GRIP1: variants seen among roughly 807,000 people sequenced by gnomAD.
GRIP1 encodes glutamate receptor interacting protein 1, also known as glutamate receptor-interacting protein 1.
A neutral mutation model predicts 129.9 loss-of-function variants in GRIP1; 45 were observed. The ratio of observed to expected loss-of-function variants is 0.35; its 90% confidence interval spans 0.27 to 0.44. The LOEUF (loss-of-function observed/expected upper bound fraction) is 0.44. Ranked by LOEUF, GRIP1 falls within the 20% of genes least tolerant of loss-of-function variation. The pLI is 1.00. For missense variants in GRIP1, 1,196 were observed against 1,396.8 expected (o/e 0.86, Z 2.29); for synonymous variants, 530 against 520.8 (o/e 1.02, Z -0.24).
At chr12:66,528,704 C>T (rs1433386956) in intron 5 of GRIP1, among the ~76,000 whole-genome samples, 1 of 152,112 alleles carries the variant, frequency 6.6e-6, no homozygotes, top group Non-Finnish European at 1.5e-5. Context: ...AGACAAAAGA[C>T]ATGTTGAAAA....
chr12:66,551,526 C>A (rs1472216877), intron 2 of GRIP1, among the ~76,000 whole-genome samples: 6 of 146,666 alleles, frequency 4.1e-5, no homozygotes, highest in Non-Finnish European at 9.0e-5. Flanking sequence ...GGGAGGAAAT[C>A]ATTTATTTTT....
intron 2 of GRIP1, among the ~76,000 whole-genome samples, chr12:66,585,846 A>T (rs1215249168): frequency 1.3e-5 from 2 of 151,832 alleles, no homozygotes; most frequent in Non-Finnish European, 2.9e-5. Context: ...CATTTCTCTG[A>T]TGGCCAGTGA....
intron 1 of GRIP1, among the ~76,000 whole-genome samples, chr12:66,675,719 ACT>A (rs983597592): frequency 1.3e-5 from 2 of 152,106 alleles, no homozygotes; most frequent in African/African-American, 4.8e-5. Flanking sequence ...TAATTGGTAG[ACT>A]CTCATTCTGG....
At chr12:67,037,332 T>TAATAATAATAATAAA (rs2043112996) in intron 1 of GRIP1, 1 of 146,370 alleles carries the variant, frequency 6.8e-6, no homozygotes, top group Non-Finnish European at 1.5e-5. Context: ...TGCCTGAAAA[T>TAATAATAATAATAAA]AATAATAATA....
At chr12:66,599,334 G>C (rs2064181220) in intron 1 of GRIP1, among the ~76,000 whole-genome samples, 2 of 152,176 alleles carry the variant, frequency 1.3e-5, no homozygotes, top group Non-Finnish European at 2.9e-5. Context: ...CAGTGTAAAA[G>C]CAATAATTCC....
At chr12:66,929,584 A>G (rs1467910694) in intron 1 of GRIP1, among the ~76,000 whole-genome samples, 5 of 152,176 alleles carry the variant, frequency 3.3e-5, no homozygotes, top group South Asian at 4.2e-4. Context: ...CTACACTCTC[A>G]TATCTCTCCG....
At chr12:66,388,040 A>T (rs1467510281) in intron 19 of GRIP1, among the ~76,000 whole-genome samples, 4 of 152,122 alleles carry the variant, frequency 2.6e-5, no homozygotes, top group African/African-American at 9.7e-5. Context: ...AAAGGAACTG[A>T]ATGAAAGAGT....
intron 1 of GRIP1, among the ~76,000 whole-genome samples, chr12:67,050,930 T>C (rs2043335157): frequency 6.6e-6 from 1 of 151,994 alleles, no homozygotes; most frequent in Non-Finnish European, 1.5e-5. Context: ...TCCAGAAAGG[T>C]AAGAGGAAAC....
intron 11 of GRIP1, among the ~76,000 whole-genome samples, chr12:66,446,094 G>GCCGCCCCCCCCCCCCCCCCCCCCCCCC (rs140993793): frequency 7.1e-6 from 1 of 140,400 alleles, no homozygotes; most frequent in Non-Finnish European, 1.5e-5. Context: ...CATTCCTCCT[G>GCCGCCCCCCCCCCCCCCCCCCCCCCCC]CCGCCCCCCA....
intron 11 of GRIP1, among the ~76,000 whole-genome samples, chr12:66,451,777 G>A (rs1440749671): frequency 6.6e-6 from 1 of 152,152 alleles, no homozygotes; most frequent in African/African-American, 2.4e-5. Context: ...TGTGTATCAT[G>A]TGATCTGGTT....
chr12:66,427,148 T>C (rs1196405924), intron 14 of GRIP1, among the ~76,000 whole-genome samples: 1 of 152,200 alleles, frequency 6.6e-6, no homozygotes, highest in East Asian at 1.9e-4. Flanking sequence ...GAGTACAGGA[T>C]AGAAATTAGG....
chr12:67,010,660 T>C (rs1049966136), intron 1 of GRIP1, among the ~76,000 whole-genome samples: 19 of 152,060 alleles, frequency 1.2e-4, no homozygotes, highest in African/African-American at 3.9e-4. Flanking sequence ...TTTGAAAGAA[T>C]AGGCCAGTGA....
At chr12:66,352,459 A>C (rs1168316) in intron 24 of GRIP1, among the ~76,000 whole-genome samples, 3 of 151,952 alleles carry the variant, frequency 2.0e-5, no homozygotes, top group Non-Finnish European at 4.4e-5. Flanking sequence ...GAGGTTGCGC[A>C]CAGTGGCTCA....
intron 14 of GRIP1, among the ~76,000 whole-genome samples, chr12:66,426,466 G>A (rs940354474): frequency 3.3e-5 from 5 of 151,812 alleles, no homozygotes; most frequent in African/African-American, 7.2e-5. Flanking sequence ...TTGTAATAGC[G>A]TCCACTCCCT....
chr12:66,848,051 C>T lies in GRIP1; in HGVS notation c.58+220999G>A, dbSNP rs149182654. ...GATAGGACCAGTCATAAGCATTATG[C>T]TTTATATCATATCCGACTTTCAAAT... On this transcript the variant is annotated intron_variant, in intron 1 of 1. Transcript: ENST00000643019. Among the ~76,000 whole-genome samples, 164 of 152,270 alleles carry T rather than the reference C, an allele frequency of 1.1e-3. 1 individual carries two copies. The highest frequency in any genetic ancestry group is 2.1e-3 in the South Asian group (10 of 4,820).
intron 11 of GRIP1, among the ~76,000 whole-genome samples, chr12:66,450,169 T>C (rs2058740585): frequency 6.6e-6 from 1 of 151,498 alleles, no homozygotes; most frequent in Admixed American, 6.6e-5. Flanking sequence ...CCGGGCGTGG[T>C]GGCAGGCGCC....
chr12:66,931,059 G>A (rs1396585912), intron 1 of GRIP1, among the ~76,000 whole-genome samples: 3 of 152,162 alleles, frequency 2.0e-5, no homozygotes, highest in Non-Finnish European at 2.9e-5. Flanking sequence ...CTGCCCTGTT[G>A]TTTTCCGAAC....
At chr12:66,919,838 T>C (rs2041184662) in intron 1 of GRIP1, among the ~76,000 whole-genome samples, 1 of 152,204 alleles carries the variant, frequency 6.6e-6, no homozygotes, top group African/African-American at 2.4e-5. Context: ...ATATTATAAA[T>C]TTTTGTTAAA....
chr12:66,524,762 A>G (rs1316719244), intron 5 of GRIP1, among the ~76,000 whole-genome samples: 1 of 152,230 alleles, frequency 6.6e-6, no homozygotes, highest in Non-Finnish European at 1.5e-5. Context: ...GAAAAGATCA[A>G]CAAAATTGAT....
Sources: allele counts gnomAD v4.1 joint callset (sites outside exome capture counted in the v4.1 genomes callset), GRCh38; gene constraint gnomAD v4.1.1; transcripts MANE v1.5; gene names NCBI Gene and HGNC (gene_info 2026-07-23, HGNC 2026-07-21).